Variants in EEPD1 observed in about 807,000 individuals in gnomAD.
The protein encoded by EEPD1 is endonuclease/exonuclease/phosphatase family domain-containing protein 1.
A neutral mutation model predicts 46.3 loss-of-function variants in EEPD1; 17 were observed. The observed-to-expected ratio is 0.37, with a 90% CI of 0.25 to 0.55. The LOEUF (loss-of-function observed/expected upper bound fraction) is 0.55. EEPD1 is among the 20% of genes least tolerant of loss of function. EEPD1 has a pLI of 0.83. For missense variants in EEPD1, 673 were observed against 745.6 expected, an observed-to-expected ratio of 0.90 and a Z score of 1.13; for synonymous variants, 313 against 315.6, an observed-to-expected ratio of 0.99 and a Z score of 0.09.
At chr7:36,277,490 C>T (rs1787199554) in intron 3 of EEPD1, among the ~76,000 whole-genome samples, 1 of 152,194 alleles carries the variant, frequency 6.6e-6, no homozygotes, top group Non-Finnish European at 1.5e-5. Flanking sequence ...TGCCGATTCT[C>T]GTGCAGCAGG....
At chr7:36,219,632 GAAAGA>G (rs1465063509) in intron 2 of EEPD1, among the ~76,000 whole-genome samples, 1 of 145,848 alleles carries the variant, frequency 6.9e-6, no homozygotes, top group African/African-American at 2.7e-5. Flanking sequence ...AGGAAAGAAG[GAAAGA>G]AAAGAAGAAG....
chr7:36,155,236 G>A (rs1253735370), intron 2 of EEPD1, 34 bp downstream of exon 2: 2 of 1,497,842 alleles, frequency 1.3e-6, no homozygotes, highest in South Asian at 2.8e-5. Context: ...TGTTGGGTGT[G>A]AAGGCAACTT....
intron 2 of EEPD1, among the ~76,000 whole-genome samples, chr7:36,237,091 C>G (rs1430603923): frequency 5.3e-5 from 8 of 152,192 alleles, no homozygotes; most frequent in Non-Finnish European, 5.9e-5. Flanking sequence ...CCAGGAGGAA[C>G]GAACAACTCC....
At position 36,155,011 on chromosome 7, in the gene EEPD1, G is replaced by A. The variant is rs1784804404; in HGVS notation, c.687G>A (p.Glu229=). 1 of 1,608,270 alleles carries A rather than the reference G, an allele frequency of 6.2e-7. No individual in the cohort carries two copies. The highest frequency in any genetic ancestry group is 8.5e-7 in the Non-Finnish European group (1 of 1,176,016). Residue 229 remains glutamate, a synonymous_variant, in exon 2 of 8, where the codon GAG becomes GAA. Transcript: ENST00000242108. Reference sequence around the variant, plus strand: ...CCACTTCCCTGAGCCTGCAGAGTGAGGACCTGGACCTGCCGCCAGGGGGGC... The same window carrying A: ...CCACTTCCCTGAGCCTGCAGAGTGAAGACCTGGACCTGCCGCCAGGGGGGC... The part of the protein sequence containing the change: ...PSPTSLSLQS[E]DLDLPPGGPT...
chr7:36,242,824 G>A (rs1786576404), intron 3 of EEPD1, among the ~76,000 whole-genome samples: 1 of 150,986 alleles, frequency 6.6e-6, no homozygotes, highest in Non-Finnish European at 1.5e-5. Flanking sequence ...AGCTAATCAG[G>A]AGGCTGAGGC....
intron 2 of EEPD1, among the ~76,000 whole-genome samples, chr7:36,175,528 G>A (rs1386916301): frequency 6.6e-6 from 1 of 151,950 alleles, no homozygotes; most frequent in Non-Finnish European, 1.5e-5. Flanking sequence ...CATTGTGCCT[G>A]ACCCTGACTT....
chr7:36,212,719 T>G (rs1052604867), intron 2 of EEPD1, among the ~76,000 whole-genome samples: 2 of 151,562 alleles, frequency 1.3e-5, no homozygotes, highest in Non-Finnish European at 2.9e-5. Flanking sequence ...AGTTTCTAAA[T>G]ATAAGACACA....
intron 3 of EEPD1, among the ~76,000 whole-genome samples, chr7:36,239,716 C>T (rs765552791): frequency 7.9e-5 from 12 of 151,980 alleles, no homozygotes; most frequent in Non-Finnish European, 1.5e-4. Context: ...GGTTCAAGTT[C>T]GGCATGCATG....
intron 3 of EEPD1, among the ~76,000 whole-genome samples, chr7:36,243,208 C>T (rs1183290842): frequency 2.6e-5 from 4 of 152,052 alleles, no homozygotes; most frequent in East Asian, 1.9e-4. Flanking sequence ...AGTTCAAGAA[C>T]GCTGCTGTAG....
At chr7:36,207,816 GA>G (rs1447473691) in intron 2 of EEPD1, among the ~76,000 whole-genome samples, 1 of 151,490 alleles carries the variant, frequency 6.6e-6, no homozygotes, top group African/African-American at 2.4e-5. Flanking sequence ...AGTCTTAGAA[GA>G]AGAGTCACCA....
chr7:36,241,609 G>A lies in EEPD1; in HGVS notation c.930+2573G>A, dbSNP rs930906568. Among the ~76,000 whole-genome samples the A allele has an allele frequency of 2.6e-5, 4 of 151,996 alleles. No homozygotes were observed. In the East Asian group the frequency reaches 7.8e-4, roughly 29 times the overall value. ...TGACTGGACACAGTGGCTCACGCCT[G>A]TAATCCCAGCGCTTTGGGAGGCTGA... On this transcript the variant is annotated intron_variant, in intron 3 of 7. Transcript: ENST00000242108.
At chr7:36,198,530 A>G (rs1785654935) in intron 2 of EEPD1, among the ~76,000 whole-genome samples, 1 of 148,854 alleles carries the variant, frequency 6.7e-6, no homozygotes, top group African/African-American at 2.4e-5. Flanking sequence ...TGACTGTAGA[A>G]TTTTTATTTG....
At chr7:36,205,860 G>A (rs1785806536) in intron 2 of EEPD1, among the ~76,000 whole-genome samples, 1 of 152,156 alleles carries the variant, frequency 6.6e-6, no homozygotes, top group Admixed American at 6.6e-5. Flanking sequence ...GAGTGGCACA[G>A]ACAAAACCCC....
At position 36,299,023 on chromosome 7, in the gene EEPD1, G is replaced by C; in HGVS notation, c.1527G>C (p.Val509=). 6 of 1,614,140 alleles carry C rather than the reference G, an allele frequency of 3.7e-6. No individual in the cohort carries two copies. The South Asian group carries it at 6.6e-5, about 18-fold the overall frequency. The change falls in exon 8 of 8, where the codon GTG becomes GTC. Residue 509 remains valine (V), a synonymous_variant. Coordinates refer to ENST00000242108, the MANE Select transcript of EEPD1 (RefSeq NM_030636.3). ...TCCCTTCAGGTCACTGGGCTGTGGT[G>C]AGAGAAGGCCTCACGAACCCTTGGA... ...KKVFTGHWAV[V]REGLTNPWIP...
intron 6 of EEPD1, among the ~76,000 whole-genome samples, chr7:36,294,013 G>C (rs183404516): frequency 8.1e-4 from 123 of 151,974 alleles, no homozygotes; most frequent in African/African-American, 2.9e-3. Flanking sequence ...TCCATCTCCA[G>C]GATGTACTGA....
intron 3 of EEPD1, 135 bp from the exon 4 acceptor site, chr7:36,280,980 C>A: frequency 1.6e-6 from 1 of 630,302 alleles, no homozygotes; most frequent in Non-Finnish European, 2.7e-6. Context: ...GTTTGAAAAA[C>A]AGGGATGTAG....
intron 3 of EEPD1, among the ~76,000 whole-genome samples, chr7:36,254,645 T>C (rs751463136): frequency 3.9e-5 from 6 of 152,222 alleles, no homozygotes; most frequent in Non-Finnish European, 8.8e-5. Flanking sequence ...ATATACCCAG[T>C]AATGGAATTA....
At chr7:36,163,341 A>G (rs1016027349) in intron 2 of EEPD1, among the ~76,000 whole-genome samples, 1 of 151,170 alleles carries the variant, frequency 6.6e-6, no homozygotes, top group Non-Finnish European at 1.5e-5. Flanking sequence ...AAAATACTTC[A>G]TGTCCCTCTA....
At chr7:36,220,661 A>T (rs1289836334) in intron 2 of EEPD1, among the ~76,000 whole-genome samples, 1 of 152,164 alleles carries the variant, frequency 6.6e-6, no homozygotes, top group Non-Finnish European at 1.5e-5. Flanking sequence ...TCCATCTCAT[A>T]TCCTGCAGAG....
Sources: gnomAD v4.1 joint callset for allele counts (sites outside exome capture counted in the v4.1 genomes callset) on GRCh38, gnomAD v4.1.1 for gene constraint, MANE v1.5 for transcripts, NCBI Gene and HGNC (gene_info 2026-07-23, HGNC 2026-07-21) for gene names.